FRYL: variants seen among roughly 807,000 people sequenced by gnomAD.
The protein encoded by FRYL is FRY like transcription coactivator, also known as protein furry homolog-like.
A neutral mutation model predicts 351.2 loss-of-function variants in FRYL; 150 were observed. That is an observed-to-expected ratio of 0.43 (90% CI 0.37 to 0.49). FRYL has a LOEUF of 0.49. Among genes scored for constraint, FRYL ranks in the 20% least tolerant of loss-of-function variants. The pLI is 0.00. For missense variants in FRYL, 3,036 were observed against 3,619.3 expected (o/e 0.84, Z 4.13); for synonymous variants, 1,153 against 1,257.1 (o/e 0.92, Z 1.75).
chr4:48,510,918 G>A lies in FRYL; in HGVS notation c.8212C>T (p.Arg2738Cys), dbSNP rs760927134. Residue 2738 changes from arginine (R) to cysteine (C), a missense_variant, in exon 58 of 64, where the codon CGC becomes TGC. Physicochemically the swap from Arg to Cys is radical, Grantham distance 180. Coordinates refer to ENST00000358350, the MANE Select transcript of FRYL (RefSeq NM_015030.2). Reference protein sequence around the residue: ...AVSFLGDSLQRIGTKFKSSLE... With the variant: ...AVSFLGDSLQCIGTKFKSSLE... ...GAACTTTTAAATTTGGTACCAATGCGTTGCAGACTATCACCAAGAAAGCTG... is the reference window on the plus strand; with the variant it reads ...GAACTTTTAAATTTGGTACCAATGCATTGCAGACTATCACCAAGAAAGCTG... 1.6e-5 allele frequency: 25 copies of A among 1,611,658 alleles called. No homozygotes were observed. The highest frequency in any genetic ancestry group is 2.2e-5 in the East Asian group (1 of 44,838).
intron 48 of FRYL, among the ~76,000 whole-genome samples, 165 bp from the exon 49 acceptor site, chr4:48,534,850 CTGTTA>C (rs1179546478): frequency 6.6e-6 from 1 of 152,174 alleles, no homozygotes; most frequent in African/African-American, 2.4e-5. Context: ...GAGTCTATTA[CTGTTA>C]TTTTTCCTTG....
intron 19 of FRYL, 94 bp downstream of exon 19, chr4:48,586,525 CAT>C (rs1742143203): frequency 2.6e-6 from 2 of 776,682 alleles, no homozygotes. Flanking sequence ...ATGTCTTTAA[CAT>C]CGCCTTTTTA....
At chr4:48,739,558 C>G (rs1174788545) in intron 1 of FRYL, among the ~76,000 whole-genome samples, 2 of 147,188 alleles carry the variant, frequency 1.4e-5, no homozygotes, top group South Asian at 4.3e-4. Flanking sequence ...AAACTCACCA[C>G]AAAAAAAAAA....
intron 2 of FRYL, among the ~76,000 whole-genome samples, chr4:48,688,952 C>T (rs750564746): frequency 6.6e-6 from 1 of 152,000 alleles, no homozygotes; most frequent in African/African-American, 2.4e-5. Flanking sequence ...TGTGAGCTAC[C>T]GCGGCCAGCC....
intron 3 of FRYL, among the ~76,000 whole-genome samples, chr4:48,675,733 A>G (rs201607386): frequency 2.3e-4 from 35 of 152,342 alleles, no homozygotes; most frequent in South Asian, 1.0e-3. Context: ...GCGAGTGCAC[A>G]GCACGGGACT....
At chr4:48,603,723 CAG>C (rs1214061739) in intron 11 of FRYL, among the ~76,000 whole-genome samples, 1 of 152,172 alleles carries the variant, frequency 6.6e-6, no homozygotes, top group Non-Finnish European at 1.5e-5. Context: ...CATCTCTTAA[CAG>C]AAATAGTGCT....
chr4:48,499,715 T>A, intron 63 of FRYL, 35 bp from the exon 64 acceptor site: 1 of 1,601,258 alleles, frequency 6.2e-7, no homozygotes, highest in East Asian at 2.2e-5. Context: ...GTTCTGAGAC[T>A]TAGGCAATAG....
rs1415827743 is a variant in FRYL at position 48,633,409 on chromosome 4, C to T, written c.120+882G>A. Among the ~76,000 whole-genome samples the T allele has an allele frequency of 4.6e-5, 7 of 152,078 alleles. No homozygotes were observed. In the East Asian group the frequency reaches 1.2e-3, roughly 25 times the overall value. On this transcript the variant is annotated intron_variant, in intron 4 of 63. Transcript: ENST00000358350. ...AATTTACACCCTCATATAGATGATACCAAAATCTGTATTTCTAGTTACCAT... is the reference window on the plus strand; with the variant it reads ...AATTTACACCCTCATATAGATGATATCAAAATCTGTATTTCTAGTTACCAT...
chr4:48,737,276 A>AG (rs1553877219), intron 1 of FRYL, among the ~76,000 whole-genome samples: 31 of 151,666 alleles, frequency 2.0e-4, no homozygotes, highest in South Asian at 4.2e-4. Context: ...AAAAAAAAAA[A>AG]AGAGAGAGAA....
intron 41 of FRYL, 42 bp downstream of exon 41, chr4:48,547,542 A>T: frequency 8.6e-7 from 1 of 1,162,970 alleles, no homozygotes; most frequent in Non-Finnish European, 1.2e-6. Context: ...CAAATTAATA[A>T]AGTATAATTC....
At chr4:48,706,131 C>T (rs1767315231) in intron 2 of FRYL, among the ~76,000 whole-genome samples, 1 of 152,190 alleles carries the variant, frequency 6.6e-6, no homozygotes, top group Admixed American at 6.5e-5. Flanking sequence ...CTGCGCCTGG[C>T]CTCACCTCCC....
chr4:48,525,546 C>T lies in FRYL; in HGVS notation c.7317+1931G>A, dbSNP rs1219152414. Among the ~76,000 whole-genome samples, 3 of 152,288 alleles carry T rather than the reference C, an allele frequency of 2.0e-5. 1 individual carries two copies. The highest frequency in any genetic ancestry group is 2.4e-5 in the African/African-American group (1 of 41,550). ...GAGAGTGCATTACATTTCATTCCTC[C>T]GCCTCACCTATTAGAGCCAAAGGAA... is the stretch of plus-strand genomic sequence containing the variant. On this transcript the variant is annotated intron_variant, in intron 53 of 63. Coordinates refer to ENST00000358350, the MANE Select transcript of FRYL (RefSeq NM_015030.2).
At chr4:48,625,307 AGG>A (rs1193353528) in intron 4 of FRYL, among the ~76,000 whole-genome samples, 11 of 152,190 alleles carry the variant, frequency 7.2e-5, no homozygotes, top group Non-Finnish European at 1.5e-5. Flanking sequence ...ATTTGCAAAG[AGG>A]TGTATAGAAG....
At position 48,576,192 on chromosome 4, in the gene FRYL, G is replaced by A; in HGVS notation, c.2559C>T (p.Thr853=). Residue 853 remains threonine (T), a synonymous_variant, in exon 24 of 64, where the codon ACC becomes ACT. Coordinates refer to ENST00000358350, the MANE Select transcript of FRYL (RefSeq NM_015030.2). ...NSPINAKKVN[T]TTSSDSYIGL... Reference sequence around the variant, plus strand: ...CAATGTATGAGTCACTGCTTGTGGTGGTATTTACTTTCTTAGCATTGATGG... The same window carrying A: ...CAATGTATGAGTCACTGCTTGTGGTAGTATTTACTTTCTTAGCATTGATGG... 1.9e-6 allele frequency: 3 copies of A among 1,608,220 alleles called. No individual in the cohort carries two copies. Among genetic ancestry groups the A allele is most frequent in the Non-Finnish European group, 2.5e-6 (3 of 1,177,756 alleles).
At chr4:48,609,980 T>C (rs573663940) in intron 7 of FRYL, among the ~76,000 whole-genome samples, 157 bp from the exon 8 acceptor site, 5 of 152,330 alleles carry the variant, frequency 3.3e-5, no homozygotes, top group East Asian at 1.9e-4. Context: ...TCGTTTTCTC[T>C]AAGAATTTGG....
intron 15 of FRYL, 54 bp from the exon 16 acceptor site, chr4:48,594,070 A>G: frequency 1.1e-6 from 1 of 934,528 alleles, no homozygotes; most frequent in Non-Finnish European, 1.6e-6. Flanking sequence ...GTATCATGCT[A>G]AGAATTATAA....
At chr4:48,581,085 AC>A in intron 21 of FRYL, 134 bp from the exon 22 acceptor site, 2 of 576,380 alleles carry the variant, frequency 3.5e-6, no homozygotes, top group Non-Finnish European at 5.8e-6. Flanking sequence ...TCGCTCTGTC[AC>A]CCAGGCTGGA....
chr4:48,587,793 C>A (rs1384982949), intron 18 of FRYL, among the ~76,000 whole-genome samples: 1 of 152,106 alleles, frequency 6.6e-6, no homozygotes, highest in Non-Finnish European at 1.5e-5. Flanking sequence ...GATACATACG[C>A]CTCGGCCTCC....
chr4:48,499,806 G>T, intron 63 of FRYL, 126 bp from the exon 64 acceptor site: 1 of 960,046 alleles, frequency 1.0e-6, no homozygotes, highest in Non-Finnish European at 1.5e-6. Context: ...TAATATTTGA[G>T]CAAATATTAC....
Sources: allele counts gnomAD v4.1 joint callset (sites outside exome capture counted in the v4.1 genomes callset), GRCh38; gene constraint gnomAD v4.1.1; transcripts MANE v1.5; gene names NCBI Gene and HGNC (gene_info 2026-07-23, HGNC 2026-07-21).